ANK2: variants seen among roughly 807,000 people sequenced by gnomAD.
ANK2 encodes the protein ankyrin 2.
ANK2 carries 83 observed loss-of-function variants against 360.5 expected under a neutral mutation model. The observed-to-expected ratio is 0.23, with a 90% CI of 0.19 to 0.28. The LOEUF (loss-of-function observed/expected upper bound fraction) is 0.28, where lower values mean the gene tolerates loss of function less well. ANK2 is among the 10% of genes least tolerant of loss of function. The pLI, the probability that ANK2 is intolerant of heterozygous loss-of-function variation, is 1.00. For synonymous variants in ANK2, 1,740 were observed against 1,759.5 expected, an observed-to-expected ratio of 0.99 and a Z score of 0.28; for missense variants, 4,201 against 4,795.7, an observed-to-expected ratio of 0.88 and a Z score of 3.66.
intron 1 of ANK2, among the ~76,000 whole-genome samples, chr4:112,886,676 A>G (rs2078483638): frequency 2.0e-5 from 3 of 152,040 alleles, no homozygotes; most frequent in South Asian, 4.1e-4. Context: ...CAAACAAACA[A>G]ACAGACAAAA....
intron 1 of ANK2, among the ~76,000 whole-genome samples, chr4:112,883,018 C>CTTTTTTTTTTTTTTT (rs536262490): frequency 1.6e-4 from 5 of 30,526 alleles, no homozygotes; most frequent in Admixed American, 5.6e-4. Context: ...CTTGGTTAGT[C>CTTTTTTTTTTTTTTT]TTTTTTTTTT....
At chr4:112,763,763 G>GC in the ANK2 span, among the ~76,000 whole-genome samples, 1 of 151,470 alleles carries the variant, frequency 6.6e-6, no homozygotes, top group Non-Finnish European at 1.5e-5. Context: ...CTCGTGATCC[G>GC]CCCGCCTCGG....
intron 1 of ANK2, among the ~76,000 whole-genome samples, chr4:112,865,575 A>C (rs749221211): frequency 6.6e-6 from 1 of 152,202 alleles, no homozygotes; most frequent in Non-Finnish European, 1.5e-5. Context: ...CAAAACAGTT[A>C]GGGAAAACAA....
At chr4:112,949,596 T>C (rs773663942) in intron 2 of ANK2, among the ~76,000 whole-genome samples, 11 of 152,206 alleles carry the variant, frequency 7.2e-5, no homozygotes, top group Non-Finnish European at 1.5e-4. Flanking sequence ...GTAAATGACA[T>C]TGGAATATCT....
chr4:112,783,675 A>G, the ANK2 span, among the ~76,000 whole-genome samples: 2 of 151,542 alleles, frequency 1.3e-5, no homozygotes, highest in Non-Finnish European at 2.9e-5. Flanking sequence ...TTATTGAGAC[A>G]GAGTCTCGCT....
the ANK2 span, among the ~76,000 whole-genome samples, chr4:112,736,205 G>A: frequency 6.6e-6 from 1 of 152,150 alleles, no homozygotes; most frequent in South Asian, 2.1e-4. Flanking sequence ...GCTCATGCCT[G>A]TAATCCCAGC....
At chr4:113,078,326 A>G (rs770854775) in intron 1 of ANK2, among the ~76,000 whole-genome samples, 14 of 152,180 alleles carry the variant, frequency 9.2e-5, no homozygotes, top group Non-Finnish European at 1.8e-4. Context: ...TGAGCTAACA[A>G]TCTGTGATGT....
chr4:112,894,037 G>A (rs958664490), intron 1 of ANK2, among the ~76,000 whole-genome samples: 1 of 152,074 alleles, frequency 6.6e-6, no homozygotes, highest in Non-Finnish European at 1.5e-5. Context: ...GACAGGAAAC[G>A]GGAAAATGAA....
intron 24 of ANK2, 105 bp downstream of exon 24, chr4:113,311,504 C>G: frequency 7.4e-7 from 1 of 1,352,114 alleles, no homozygotes; most frequent in Admixed American, 1.9e-5. Context: ...TTAATAGGTA[C>G]CTTATTAATC....
intron 2 of ANK2, among the ~76,000 whole-genome samples, chr4:113,037,142 T>C (rs79763824): frequency 0.017 from 2,600 of 152,120 alleles, 70 homozygotes; most frequent in African/African-American, 0.059. Flanking sequence ...ACTTGTTAAC[T>C]TGCAAGTAGG....
chr4:113,104,516 C>T (rs1417866756), intron 1 of ANK2, among the ~76,000 whole-genome samples: 1 of 152,150 alleles, frequency 6.6e-6, no homozygotes, highest in Non-Finnish European at 1.5e-5. Context: ...GAGTTTGAGA[C>T]CAGCCTGGCC....
intron 2 of ANK2, among the ~76,000 whole-genome samples, chr4:112,923,111 C>G (rs1319822941): frequency 2.0e-5 from 3 of 152,076 alleles, no homozygotes; most frequent in Non-Finnish European, 4.4e-5. Flanking sequence ...ATTATTCTAT[C>G]TTTAACATTT....
intron 4 of ANK2, among the ~76,000 whole-genome samples, chr4:113,213,259 T>C (rs935096590): frequency 6.6e-6 from 1 of 152,236 alleles, no homozygotes; most frequent in Non-Finnish European, 1.5e-5. Flanking sequence ...GCTTGTGTCA[T>C]AATAGTAAAA....
intron 17 of ANK2, among the ~76,000 whole-genome samples, chr4:113,282,358 G>A (rs905154279): frequency 1.3e-5 from 2 of 152,176 alleles, no homozygotes; most frequent in Non-Finnish European, 2.9e-5. Flanking sequence ...GTATTTAAAG[G>A]ATGGTCATGT....
chr4:113,189,443 G>A (rs1158126903), intron 2 of ANK2, among the ~76,000 whole-genome samples: 1 of 152,044 alleles, frequency 6.6e-6, no homozygotes, highest in Admixed American at 6.6e-5. Flanking sequence ...TATAGACTTG[G>A]TTTCTAGCAC....
intron 1 of ANK2, among the ~76,000 whole-genome samples, chr4:113,079,699 C>T (rs1010449378): frequency 6.9e-6 from 1 of 144,226 alleles, no homozygotes; most frequent in Non-Finnish European, 1.5e-5. Context: ...ATCAATGTGT[C>T]ATTATGGACA....
chr4:112,833,650 C>T (rs960528343), intron 1 of ANK2, among the ~76,000 whole-genome samples: 3 of 152,090 alleles, frequency 2.0e-5, no homozygotes, highest in Non-Finnish European at 4.4e-5. Context: ...ACCACAGGCG[C>T]CCGACACCAC....
At chr4:113,077,012 AGAAGGAAG>A (rs141438391) in intron 1 of ANK2, among the ~76,000 whole-genome samples, 3 of 151,308 alleles carry the variant, frequency 2.0e-5, no homozygotes, top group South Asian at 4.2e-4. Flanking sequence ...AAGGAAGGAA[AGAAGGAAG>A]GAAGGAAGGA....
the ANK2 span, among the ~76,000 whole-genome samples, chr4:112,764,567 C>T: frequency 6.6e-6 from 1 of 152,156 alleles, no homozygotes; most frequent in South Asian, 2.1e-4. Context: ...AACTTCTGAC[C>T]TCAGGTGATC....
Sources: allele counts gnomAD v4.1 joint callset (sites outside exome capture counted in the v4.1 genomes callset), GRCh38; gene constraint gnomAD v4.1.1; transcripts MANE v1.5; gene names NCBI Gene and HGNC (gene_info 2026-07-23, HGNC 2026-07-21).